The following TASOR variants were observed in gnomAD, a reference collection of about 807,000 sequenced individuals.
The protein encoded by TASOR is protein TASOR.
TASOR carries 53 observed loss-of-function variants against 178.6 expected under a neutral mutation model. That is an observed-to-expected ratio of 0.30 (90% confidence interval 0.24 to 0.37). TASOR has a LOEUF of 0.37. Among genes scored for constraint, TASOR ranks in the 10% least tolerant of loss-of-function variants. The pLI, the probability that TASOR is intolerant of heterozygous loss-of-function variation, is 1.00. For missense variants in TASOR, 1,815 were observed against 1,971.4 expected (o/e 0.92, Z 1.50); for synonymous variants, 713 against 696.2 (o/e 1.02, Z -0.38).
chr3:56,623,422 T>C lies in TASOR; in HGVS notation c.4628A>G (p.Lys1543Arg). 1.2e-6 allele frequency: 2 copies of C among 1,613,474 alleles called. No homozygotes were observed. The highest frequency in any genetic ancestry group is 2.2e-5 in the East Asian group (1 of 44,872). Reference protein sequence around the residue: ...TKGSRGTDQKKNTQIELQSSP... With the variant: ...TKGSRGTDQKRNTQIELQSSP... ...CGATTGCAACTCAATTTGAGTATTC[T>C]TTTTTTGATCTGTTCCACGTGATCC... The change falls in exon 24 of 24, where the codon AAG (lysine) becomes AGG (arginine). Residue 1543 changes from lysine to arginine, a missense_variant. Physicochemically the swap from Lys to Arg is conservative, Grantham distance 26. Coordinates refer to ENST00000683822, the MANE Select transcript of TASOR (RefSeq NM_001365635.2).
At position 56,628,591 on chromosome 3, in the gene TASOR, A is replaced by T; in HGVS notation, c.3771T>A (p.Asn1257Lys). 6.4e-7 allele frequency: 1 copy of T among 1,569,440 alleles called. No individual in the cohort carries two copies. The highest frequency in any genetic ancestry group is 8.7e-7 in the Non-Finnish European group (1 of 1,146,600). ...EIKEYLIKLG[N>K]TECHPEQFLE... ...AAAACTGTTCAGGATGACATTCTGT[A>T]TTGCCTAATTTGATAAGATATTCCT... Residue 1257 changes from asparagine to lysine, a missense_variant, in exon 19 of 24, where the codon AAT becomes AAA. Physicochemically the swap from Asn to Lys is moderately conservative, Grantham distance 94 (BLOSUM62 0). Coordinates refer to ENST00000683822, the MANE Select transcript of TASOR (RefSeq NM_001365635.2).
At chr3:56,652,412 G>A (rs1410212231) in intron 11 of TASOR, among the ~76,000 whole-genome samples, 1 of 152,016 alleles carries the variant, frequency 6.6e-6, no homozygotes, top group African/African-American at 2.4e-5. Flanking sequence ...AAATCAGGCA[G>A]GTGTGGTGGT....
Position 56,621,465 on chromosome 3 carries a change from G to A in TASOR, c.*1572C>T. 1 of 1,073,902 alleles carries A rather than the reference G, an allele frequency of 9.3e-7. No individual in the cohort carries two copies. The highest frequency in any genetic ancestry group is 1.6e-5 in the African/African-American group (1 of 62,626). 66.5% of individuals were successfully genotyped at this position (1,073,902 alleles called of 1,614,324 possible). On this transcript the variant is annotated 3_prime_UTR_variant, in exon 24 of 24. Transcript: ENST00000683822. ...TGTTTTCCAAGTGAATATAATTCTA[G>A]TTTAACACAACATTGCAAGTCAGGT...
chr3:56,651,060 A>G (rs1215544150), intron 11 of TASOR, among the ~76,000 whole-genome samples: 2 of 152,168 alleles, frequency 1.3e-5, no homozygotes, highest in Non-Finnish European at 2.9e-5. Context: ...CCAGTAACCT[A>G]AAGATTCCTG....
chr3:56,654,581 T>C (rs949427539), intron 11 of TASOR, among the ~76,000 whole-genome samples: 1 of 152,116 alleles, frequency 6.6e-6, no homozygotes, highest in Non-Finnish European at 1.5e-5. Context: ...TTCTGGGTGT[T>C]CCTGTCAAGC....
chr3:56,682,590 T>G, intron 1 of TASOR, 86 bp downstream of exon 1: 39 of 1,138,938 alleles, frequency 3.4e-5, no homozygotes, highest in South Asian at 4.9e-5. Context: ...GTATCTCGGA[T>G]GGGTGTGGGA....
chr3:56,683,236 C>A lies in TASOR; in HGVS notation c.-230G>T. 2.2e-6 allele frequency: 1 copy of A among 450,270 alleles called. No homozygotes were observed. Among genetic ancestry groups the A allele is most frequent in the Admixed American group, 4.0e-5 (1 of 24,994 alleles). 27.9% of individuals were successfully genotyped at this position (450,270 alleles called of 1,614,324 possible). The stretch of plus-strand genomic sequence containing the variant: ...GCCGCTCCTCCCTCGGGCAGTTCTT[C>A]TGCCTTCCCCCGCCACTCAACGTGC... On this transcript the variant is annotated 5_prime_UTR_variant, in exon 1 of 24. Transcript: ENST00000683822.
intron 8 of TASOR, 38 bp from the exon 9 acceptor site, chr3:56,662,528 T>TCTCTG: frequency 9.2e-7 from 1 of 1,083,412 alleles, no homozygotes; most frequent in Non-Finnish European, 1.3e-6. Context: ...CTTAGTCACT[T>TCTCTG]GGCAGCCCAG....
chr3:56,645,881 G>A (rs959716780), intron 14 of TASOR, among the ~76,000 whole-genome samples: 2 of 152,150 alleles, frequency 1.3e-5, no homozygotes. Flanking sequence ...AGGCGTGGTG[G>A]CTCACGCCTG....
At chr3:56,676,233 T>C (rs1208007197) in intron 1 of TASOR, among the ~76,000 whole-genome samples, 3 of 152,292 alleles carry the variant, frequency 2.0e-5, no homozygotes, top group Non-Finnish European at 4.4e-5. Context: ...TATTAAATAG[T>C]CAAGAAAATG....
At chr3:56,662,034 A>G (rs969650448) in intron 9 of TASOR, among the ~76,000 whole-genome samples, 7 of 151,318 alleles carry the variant, frequency 4.6e-5, no homozygotes, top group African/African-American at 1.7e-4. Flanking sequence ...GGAGGCTGAG[A>G]TGGGAGAATC....
Position 56,633,734 on chromosome 3 carries a change from CCTCT to C in TASOR, c.3053_3056del (p.Glu1018GlyfsTer4). On this transcript the variant is annotated frameshift_variant, in exon 18 of 24. Transcript: ENST00000683822. LOFTEE classifies it high-confidence loss of function. ...AGAGATTGTACTCTCCTAACACTGT[CCTCT>C]CTGTGGTTTCGCTCACTGCAGGCGG... 6.2e-7 allele frequency: 1 copy of C among 1,614,142 alleles called. No individual in the cohort carries two copies.
intron 7 of TASOR, among the ~76,000 whole-genome samples, chr3:56,665,061 A>G (rs1376311289): frequency 6.6e-6 from 1 of 152,182 alleles, no homozygotes; most frequent in Non-Finnish European, 1.5e-5. Context: ...AGTCCCAGCT[A>G]CTTGGGAGGA....
rs776682649 is a variant in TASOR, at chr3:56,648,866, A to C, written c.1469T>G (p.Leu490Arg). 8 of 1,612,558 alleles carry C rather than the reference A, an allele frequency of 5.0e-6. No homozygotes were observed. The Admixed American group carries it at 1.3e-4, about 27-fold the overall frequency. Residue 490 changes from leucine (L) to arginine (R), a missense_variant, in exon 13 of 24, where the codon CTA becomes CGA. By Grantham distance (102) the Leu-to-Arg change is moderately radical. Transcript: ENST00000683822. Reference sequence around the variant, plus strand: ...TTCTTGAAATAGAAACAAAGCATGTAGGACTCGAGACTTGGCAGTCTGATA... The same window carrying C: ...TTCTTGAAATAGAAACAAAGCATGTCGGACTCGAGACTTGGCAGTCTGATA... The part of the protein sequence containing the change: ...YEYQTAKSRV[L>R]HALFLFQEPR...
rs144692611 is a variant in TASOR, at chr3:56,621,183, CAA to C, written c.*1852_*1853del. ...CCAAAAAAAAACAAAACAACAACAACAAAAAAAAAACACTGTATGTTAAGGGA... is the reference window on the plus strand; with the variant it reads ...CCAAAAAAAAACAAAACAACAACAACAAAAAAAACACTGTATGTTAAGGGA... On this transcript the variant is annotated 3_prime_UTR_variant, in exon 24 of 24. Coordinates refer to ENST00000683822, the MANE Select transcript of TASOR (RefSeq NM_001365635.2). 8 of 151,468 alleles carry C rather than the reference CAA, an allele frequency of 5.3e-5. No homozygotes were observed. The South Asian group carries it at 1.5e-3, about 28-fold the overall frequency. 9.4% of individuals were successfully genotyped at this position (151,468 alleles called of 1,614,324 possible).
chr3:56,656,530 G>A (rs1334082883), intron 11 of TASOR, among the ~76,000 whole-genome samples: 4 of 152,080 alleles, frequency 2.6e-5, no homozygotes, highest in Non-Finnish European at 5.9e-5. Flanking sequence ...GGCGGAGGTT[G>A]CAGTGAGCTG....
At chr3:56,682,511 C>A (rs1202120105) in intron 1 of TASOR, among the ~76,000 whole-genome samples, 165 bp downstream of exon 1, 2 of 151,436 alleles carry the variant, frequency 1.3e-5, no homozygotes, top group Non-Finnish European at 2.9e-5. Context: ...CTTTCTCTCG[C>A]ACCAAACGCG....
intron 1 of TASOR, among the ~76,000 whole-genome samples, chr3:56,679,661 C>T (rs529338799): frequency 6.6e-6 from 1 of 152,174 alleles, no homozygotes; most frequent in Non-Finnish European, 1.5e-5. Flanking sequence ...CCTACAAAAA[C>T]ATTAACCAAT....
At chr3:56,640,309 A>G (rs944893591) in intron 15 of TASOR, among the ~76,000 whole-genome samples, 179 bp from the exon 16 acceptor site, 3 of 152,224 alleles carry the variant, frequency 2.0e-5, no homozygotes, top group African/African-American at 7.2e-5. Flanking sequence ...TCGAAACATA[A>G]TTTTATGTTA....
Sources: gnomAD v4.1 joint callset for allele counts (sites outside exome capture counted in the v4.1 genomes callset) on GRCh38, gnomAD v4.1.1 for gene constraint, MANE v1.5 for transcripts, NCBI Gene and HGNC (gene_info 2026-07-23, HGNC 2026-07-21) for gene names.